The following FAM118B variants were observed in gnomAD, a reference collection of about 807,000 sequenced individuals.
FAM118B encodes protein FAM118B.
Under a neutral mutation model 38.5 loss-of-function variants are expected in FAM118B, and 24 were observed. The ratio of observed to expected loss-of-function variants is 0.62; its 90% confidence interval spans 0.45 to 0.88. The LOEUF is 0.88. Ranked by LOEUF, FAM118B falls within the 40% of genes least tolerant of loss-of-function variation. The pLI is 0.00. For missense variants in FAM118B, 334 were observed against 420.0 expected (o/e 0.80, Z 1.79); for synonymous variants, 138 against 156.3 (o/e 0.88, Z 0.87).
chr11:126,213,951 C>G (rs1265292684), intron 1 of FAM118B, among the ~76,000 whole-genome samples: 1 of 152,200 alleles, frequency 6.6e-6, no homozygotes, highest in Non-Finnish European at 1.5e-5. Context: ...TTTGGTATGA[C>G]AGTGCAGCTT....
In FAM118B at chr11:126,247,574, G is replaced by A. The variant is rs539381201; in HGVS notation, c.340-2932G>A. Among the ~76,000 whole-genome samples the A allele has an allele frequency of 2.6e-5, 4 of 152,054 alleles. No individual in the cohort carries two copies. In the East Asian group the frequency reaches 5.8e-4, roughly 22 times the overall value. On this transcript the variant is annotated intron_variant, in intron 4 of 8. Coordinates refer to ENST00000533050, the MANE Select transcript of FAM118B (RefSeq NM_024556.4). ...TAAAACTGGTGTTAAAATGTAGTACGTATTTGCCAGCGCGGTGGCTCACGC... is the reference window on the plus strand; with the variant it reads ...TAAAACTGGTGTTAAAATGTAGTACATATTTGCCAGCGCGGTGGCTCACGC...
At chr11:126,234,194 A>G (rs1410268842) in intron 2 of FAM118B, among the ~76,000 whole-genome samples, 1 of 152,236 alleles carries the variant, frequency 6.6e-6, no homozygotes. Flanking sequence ...AAACGGTGGT[A>G]GTATGTATTG....
chr11:126,251,397 G>C (rs924811853), intron 5 of FAM118B, among the ~76,000 whole-genome samples: 1 of 152,222 alleles, frequency 6.6e-6, no homozygotes, highest in African/African-American at 2.4e-5. Flanking sequence ...ATAGACAAGT[G>C]ATTTGCCTGC....
At chr11:126,215,963 A>C (rs555217066) in intron 1 of FAM118B, among the ~76,000 whole-genome samples, 2 of 152,178 alleles carry the variant, frequency 1.3e-5, no homozygotes, top group African/African-American at 2.4e-5. Flanking sequence ...GCAGTGAACC[A>C]TGATTGCAGT....
intron 1 of FAM118B, among the ~76,000 whole-genome samples, chr11:126,226,717 C>T (rs1201259473): frequency 6.6e-6 from 1 of 152,154 alleles, no homozygotes; most frequent in African/African-American, 2.4e-5. Context: ...CAGTGGCTCA[C>T]ACCTGTAACT....
At chr11:126,243,874 A>G (rs981757293) in intron 4 of FAM118B, among the ~76,000 whole-genome samples, 1 of 151,024 alleles carries the variant, frequency 6.6e-6, no homozygotes, top group African/African-American at 2.4e-5. Flanking sequence ...ACTGCACTAC[A>G]GCCTGGACGA....
intron 5 of FAM118B, among the ~76,000 whole-genome samples, chr11:126,251,983 T>C (rs1266154918): frequency 6.7e-6 from 1 of 148,272 alleles, no homozygotes; most frequent in Non-Finnish European, 1.5e-5. Context: ...CGTTTTGTTT[T>C]GTTTTGTTTT....
chr11:126,214,626 G>C (rs1167695487), intron 1 of FAM118B: 2 of 150,014 alleles, frequency 1.3e-5, no homozygotes, highest in Non-Finnish European at 3.0e-5. Context: ...CATTTGTTGG[G>C]AACTCCTCTT....
chr11:126,247,430 A>AG (rs1333929086), intron 4 of FAM118B, among the ~76,000 whole-genome samples: 1 of 152,086 alleles, frequency 6.6e-6, no homozygotes, highest in Non-Finnish European at 1.5e-5. Flanking sequence ...AGTGACCTGG[A>AG]TTTTTTTCCC....
intron 1 of FAM118B, among the ~76,000 whole-genome samples, chr11:126,218,341 G>T (rs987200017): frequency 2.0e-5 from 3 of 152,162 alleles, no homozygotes; most frequent in African/African-American, 7.2e-5. Context: ...CACTTTGGAT[G>T]AATCCACAAG....
intron 4 of FAM118B, among the ~76,000 whole-genome samples, chr11:126,247,771 T>A (rs1036546378): frequency 6.6e-6 from 1 of 150,614 alleles, no homozygotes; most frequent in Non-Finnish European, 1.5e-5. Flanking sequence ...GGCAGGGGAA[T>A]TGCTTGAACC....
intron 1 of FAM118B, among the ~76,000 whole-genome samples, chr11:126,217,002 T>C (rs755992074): frequency 1.7e-4 from 26 of 152,202 alleles, no homozygotes; most frequent in Admixed American, 2.0e-4. Flanking sequence ...AGGGTGTGCA[T>C]GCACACACAC....
chr11:126,249,750 A>G lies in FAM118B; in HGVS notation c.340-756A>G, dbSNP rs542547398. Among the ~76,000 whole-genome samples, 142 of 117,986 alleles carry G rather than the reference A, an allele frequency of 1.2e-3. 1 individual carries two copies. In the East Asian group the frequency reaches 0.03, roughly 25 times the overall value. The allele number at this position is 117,986 out of a possible 152,430, so 77.4% of individuals were successfully genotyped here. On this transcript the variant is annotated intron_variant, in intron 4 of 8. Coordinates refer to ENST00000533050, the MANE Select transcript of FAM118B (RefSeq NM_024556.4). ...CCGTCTCAAAAAAAAAAAAAAAAAA[A>G]AAAAGAAAAAGAAAAGGAGATGCCA...
chr11:126,248,751 G>A (rs936938108), intron 4 of FAM118B, among the ~76,000 whole-genome samples: 2 of 152,058 alleles, frequency 1.3e-5, no homozygotes, highest in African/African-American at 2.4e-5. Context: ...ATGGAGGCAC[G>A]GCCCTCGTGA....
At chr11:126,261,508 T>C (rs1287925355) in intron 8 of FAM118B, 24 bp downstream of exon 8, 1 of 1,587,066 alleles carries the variant, frequency 6.3e-7, no homozygotes, top group South Asian at 1.1e-5. Flanking sequence ...TATTCTACTA[T>C]TTATCACTCT....
chr11:126,216,531 A>G (rs1042521949), intron 1 of FAM118B, among the ~76,000 whole-genome samples: 1 of 152,210 alleles, frequency 6.6e-6, no homozygotes, highest in Admixed American at 6.5e-5. Flanking sequence ...GATATAACAA[A>G]ACCAGTTTTA....
chr11:126,215,888 T>G (rs1272811475), intron 1 of FAM118B, among the ~76,000 whole-genome samples: 1 of 151,788 alleles, frequency 6.6e-6, no homozygotes, highest in Non-Finnish European at 1.5e-5. Flanking sequence ...GCACCTATGG[T>G]CCTAACTAAC....
In FAM118B at chr11:126,262,307, C is replaced by T. The variant is rs1185150411; in HGVS notation, c.*174C>T. The T allele has an allele frequency of 7.1e-6, 4 of 563,008 alleles. No individual in the cohort carries two copies. In the African/African-American group the frequency reaches 7.8e-5, roughly 11 times the overall value. The allele number at this position is 563,008 out of a possible 1,614,324, so 34.9% of individuals were successfully genotyped here. On this transcript the variant is annotated 3_prime_UTR_variant, in exon 9 of 9. Coordinates refer to ENST00000533050, the MANE Select transcript of FAM118B (RefSeq NM_024556.4). Reference sequence around the variant, plus strand: ...GTTGCAGCGTAATCCTTCATACCACCTGGTTCTTGATATTCTGCCGCCTGT... The same window carrying T: ...GTTGCAGCGTAATCCTTCATACCACTTGGTTCTTGATATTCTGCCGCCTGT...
chr11:126,249,374 C>T (rs1950465695), intron 4 of FAM118B, among the ~76,000 whole-genome samples: 1 of 152,106 alleles, frequency 6.6e-6, no homozygotes, highest in Non-Finnish European at 1.5e-5. Flanking sequence ...TGAATTATGG[C>T]ATGTAGAAGT....
Sources: gnomAD v4.1 joint callset for allele counts (sites outside exome capture counted in the v4.1 genomes callset) on GRCh38, gnomAD v4.1.1 for gene constraint, MANE v1.5 for transcripts, NCBI Gene and HGNC (gene_info 2026-07-23, HGNC 2026-07-21) for gene names.